RIPOR2: variants seen among roughly 807,000 people sequenced by gnomAD.
RIPOR2 encodes the protein RHO family interacting cell polarization regulator 2.
RIPOR2 carries 39 observed loss-of-function variants against 114.5 expected under a neutral mutation model. The observed-to-expected ratio is 0.34, with a 90% CI of 0.26 to 0.44. The LOEUF is 0.44. Among genes scored for constraint, RIPOR2 ranks in the 20% least tolerant of loss-of-function variants. RIPOR2 has a pLI of 1.00. For missense variants in RIPOR2, 1,007 were observed against 1,255.1 expected (o/e 0.80, Z 2.99); for synonymous variants, 445 against 484.4 (o/e 0.92, Z 1.07).
At chr6:25,029,254 C>T (rs1011926866) in intron 1 of RIPOR2, among the ~76,000 whole-genome samples, 1 of 151,658 alleles carries the variant, frequency 6.6e-6, no homozygotes, top group African/African-American at 2.4e-5. Flanking sequence ...CGACACTGCA[C>T]TCCAGCCTGG....
chr6:24,894,834 A>T (rs1767703649), intron 1 of RIPOR2, among the ~76,000 whole-genome samples: 2 of 151,946 alleles, frequency 1.3e-5, no homozygotes, highest in African/African-American at 4.8e-5. Flanking sequence ...CCACACCTAT[A>T]CTCTTAGGGT....
At chr6:24,930,574 C>T (rs541626075) in intron 1 of RIPOR2, among the ~76,000 whole-genome samples, 13 of 152,252 alleles carry the variant, frequency 8.5e-5, no homozygotes, top group African/African-American at 3.1e-4. Context: ...TCTTTGGCAC[C>T]AGCCAAAGAA....
rs200262598 is a variant in RIPOR2 at position 24,843,263 on chromosome 6, C to T, written c.1456G>A (p.Glu486Lys). 2.4e-4 allele frequency: 392 copies of T among 1,613,886 alleles called. No individual in the cohort carries two copies. The highest frequency in any genetic ancestry group is 3.2e-4 in the Non-Finnish European group (382 of 1,179,888). Residue 486 changes from glutamate to lysine, a missense_variant, in exon 13 of 22, where the codon GAG becomes AAG. Physicochemically the swap from Glu to Lys is moderately conservative, Grantham distance 56. Transcript: ENST00000643898. ...GGGGCCGAGGCAGGTTTTCTGGGCT[C>T]CTCTGGGTCTTCCTCCTTCAGGTGT... Reference protein sequence around the residue: ...KSHLKEEDPEEPRKPASAPSE... With the variant: ...KSHLKEEDPEKPRKPASAPSE...
chr6:24,961,949 C>T (rs1398751531), intron 1 of RIPOR2, among the ~76,000 whole-genome samples: 2 of 152,124 alleles, frequency 1.3e-5, no homozygotes, highest in South Asian at 2.1e-4. Flanking sequence ...TTTTTAAATG[C>T]TAGCCTGAGG....
intron 1 of RIPOR2, among the ~76,000 whole-genome samples, chr6:25,033,164 G>A (rs895735524): frequency 2.6e-5 from 4 of 151,708 alleles, no homozygotes; most frequent in South Asian, 2.1e-4. Context: ...CCAGTGAGCC[G>A]CGACGGCGCC....
At chr6:24,980,012 G>A (rs1322835684) in intron 1 of RIPOR2, among the ~76,000 whole-genome samples, 1 of 152,214 alleles carries the variant, frequency 6.6e-6, no homozygotes, top group South Asian at 2.1e-4. Flanking sequence ...CGTAGGAAAG[G>A]AAGCAAGTGG....
chr6:24,834,981 C>A (rs1761002976), intron 15 of RIPOR2, among the ~76,000 whole-genome samples: 2 of 152,126 alleles, frequency 1.3e-5, no homozygotes, highest in African/African-American at 4.8e-5. Context: ...CCCAAGCAAG[C>A]TGGGAGAAGA....
At chr6:24,887,070 A>G (rs1766905085) in intron 1 of RIPOR2, among the ~76,000 whole-genome samples, 1 of 152,186 alleles carries the variant, frequency 6.6e-6, no homozygotes, top group African/African-American at 2.4e-5. Context: ...CCACTACTAT[A>G]ATTTGATGCA....
chr6:24,865,410 A>T lies in RIPOR2; in HGVS notation c.542T>A (p.Leu181His). ...LYEAYCIQRR[L>H]QDGASKMKQA... is the part of the protein sequence containing the mutation. Reference sequence around the variant, plus strand: ...CTTCATTTTGCTGGCACCATCCTGGAGGCGTCGCTGGATACAATAAGCTTC... The same window carrying T: ...CTTCATTTTGCTGGCACCATCCTGGTGGCGTCGCTGGATACAATAAGCTTC... The change falls in exon 7 of 22, where the codon CTC (leucine) becomes CAC (histidine). Residue 181 changes from leucine to histidine, a missense_variant. By Grantham distance (99) the Leu-to-His change is moderately conservative. Transcript: ENST00000643898. The T allele has an allele frequency of 6.2e-7, 1 of 1,613,602 alleles. No homozygotes were observed. Among genetic ancestry groups the T allele is most frequent in the Non-Finnish European group, 8.5e-7 (1 of 1,179,640 alleles).
chr6:24,963,190 C>T (rs1380627089), intron 1 of RIPOR2, among the ~76,000 whole-genome samples: 2 of 152,258 alleles, frequency 1.3e-5, no homozygotes, highest in African/African-American at 4.8e-5. Context: ...CACCACCACA[C>T]CCAGCTAATT....
At chr6:24,951,122 G>GGAAGT (rs1772729747) in intron 1 of RIPOR2, among the ~76,000 whole-genome samples, 1 of 152,196 alleles carries the variant, frequency 6.6e-6, no homozygotes, top group African/African-American at 2.4e-5. Flanking sequence ...ATATCAACAT[G>GGAAGT]GAAGTGGTAG....
rs766348580 is a variant in RIPOR2 at position 24,839,085 on chromosome 6, A to T, written c.2039+6T>A. On this transcript the variant is annotated splice_donor_region_variant and intron_variant, in intron 14 of 21. Transcript: ENST00000643898. ...AAATATAAGGAGACACTAACTTCAG[A>T]CTTACCTGTGTTTCTCAGTCTCAGT... 15 of 1,549,958 alleles carry T rather than the reference A, an allele frequency of 9.7e-6. No homozygotes were observed. The South Asian group carries it at 1.7e-4, about 17-fold the overall frequency.
At chr6:24,893,117 CT>C in intron 1 of RIPOR2, among the ~76,000 whole-genome samples, 1 of 152,284 alleles carries the variant, frequency 6.6e-6, no homozygotes, top group East Asian at 1.9e-4. Context: ...TCTGAATTTG[CT>C]TTAAGATACT....
At chr6:25,015,855 T>C (rs1174846434) in intron 1 of RIPOR2, 1 of 148,542 alleles carries the variant, frequency 6.7e-6, no homozygotes, top group Non-Finnish European at 1.5e-5. Context: ...ATGAAGTTAA[T>C]CATGGTTGGA....
rs371583638 is a variant in RIPOR2, at chr6:24,885,078, GA to G, written c.62-9262del. ...TGCTATGTGTTGTCCAAGATCCAAA[GA>G]CAACCTAAGACTGAGCTCTGCTTTT... On this transcript the variant is annotated intron_variant, in intron 1 of 21. Transcript: ENST00000643898. 5.2e-3 allele frequency among the ~76,000 whole-genome samples: 788 copies of G among 152,254 alleles called. 15 individuals carry two copies. The highest frequency in any genetic ancestry group is 0.017 in the African/African-American group (709 of 41,532).
At chr6:24,840,478 G>A in intron 13 of RIPOR2, 1 of 1,367,330 alleles carries the variant, frequency 7.3e-7, no homozygotes, top group South Asian at 1.5e-5. Flanking sequence ...TGGGCACAGA[G>A]TTGGAGAGAA....
intron 1 of RIPOR2, among the ~76,000 whole-genome samples, chr6:24,972,733 T>C (rs1274082943): frequency 6.6e-6 from 1 of 152,208 alleles, no homozygotes; most frequent in Non-Finnish European, 1.5e-5. Flanking sequence ...TGGGAGGTAA[T>C]AAATTCCCTG....
At chr6:25,023,601 T>A (rs9379706) in intron 1 of RIPOR2, 1 of 765,010 alleles carries the variant, frequency 1.3e-6, no homozygotes. Flanking sequence ...GTGAAGGCCT[T>A]GATGTCTAAA....
intron 1 of RIPOR2, among the ~76,000 whole-genome samples, chr6:25,025,472 G>A (rs1432497089): frequency 6.6e-6 from 1 of 151,724 alleles, no homozygotes; most frequent in Non-Finnish European, 1.5e-5. Flanking sequence ...AAAGCAATAG[G>A]ACCTTTAAAA....
Sources: gnomAD v4.1 joint callset for allele counts (sites outside exome capture counted in the v4.1 genomes callset) on GRCh38, gnomAD v4.1.1 for gene constraint, MANE v1.5 for transcripts, NCBI Gene and HGNC (gene_info 2026-07-23, HGNC 2026-07-21) for gene names.